The following LILRB4 variants were observed in gnomAD, a reference collection of about 807,000 sequenced individuals.
LILRB4 encodes leukocyte immunoglobulin like receptor B4, also known as leukocyte immunoglobulin-like receptor subfamily B member 4.
LILRB4 carries 49 observed loss-of-function variants against 55.2 expected under a neutral mutation model. That is an observed-to-expected ratio of 0.89 (90% CI 0.71 to 1.13). The LOEUF is 1.13. Among genes scored for constraint, LILRB4 ranks in the 50% most tolerant of loss-of-function variants. The probability of loss-of-function intolerance (pLI) is 0.00; values close to 1 mark genes in which losing one functional copy is unlikely to be tolerated. For synonymous variants in LILRB4, 229 were observed against 213.8 expected, an observed-to-expected ratio of 1.07 and a Z score of -0.62; for missense variants, 590 against 555.2, an observed-to-expected ratio of 1.06 and a Z score of -0.63.
At chr19:54,663,088 G>C (rs762780028) in intron 1 of LILRB4, 21 bp downstream of exon 1, 11 of 1,603,412 alleles carry the variant, frequency 6.9e-6, no homozygotes, top group Non-Finnish European at 9.4e-6. Flanking sequence ...AAGAGGGGGA[G>C]GGGAGACCCG....
intron 4 of LILRB4, 29 bp from the exon 5 acceptor site, chr19:54,664,768 ACT>A (rs768669319): frequency 7.9e-6 from 12 of 1,515,200 alleles, no homozygotes; most frequent in African/African-American, 1.4e-5. Flanking sequence ...GCAACCCCAG[ACT>A]CTCACCCTCC....
At position 54,663,806 on chromosome 19, in the gene LILRB4, G is replaced by A. The variant is rs1385975293; in HGVS notation, c.123G>A (p.Trp41Ter). The A allele has an allele frequency of 6.8e-6, 11 of 1,614,050 alleles. No individual in the cohort carries two copies. The highest frequency in any genetic ancestry group is 2.2e-5 in the East Asian group (1 of 44,894). ...CTGAGCCAGGCTCTGTGATCAGCTG[G>A]GGGAACTCTGTGACCATCTGGTGTC... is the stretch of plus-strand genomic sequence containing the variant. Residue 41 changes from tryptophan (W) to a stop codon, truncating the protein, a stop_gained, in exon 3 of 12, where the codon TGG becomes TGA. Transcript: ENST00000430952. LOFTEE classifies it high-confidence loss of function.
Position 54,666,745 on chromosome 19 carries a change from C to T in LILRB4, c.1037C>T (p.Thr346Ile). Residue 346 changes from threonine (T) to isoleucine (I), a missense_variant, in exon 10 of 12, where the codon ACT becomes ATT. Transcript: ENST00000430952. This position sits in a 1 kb window ranked among gnomAD's most constrained non-coding sequence, Gnocchi z 4.8. The stretch of plus-strand genomic sequence containing the variant: ...CCTGAGGACGGGGTGGAAATGGACA[C>T]TCGGGTGAGAACCCGCCCCTGTCCC... 6.2e-7 allele frequency: 1 copy of T among 1,614,138 alleles called. No individual in the cohort carries two copies. The highest frequency in any genetic ancestry group is 1.1e-5 in the South Asian group (1 of 91,082).
rs1337386961 is a variant in LILRB4 at position 54,665,933 on chromosome 19, T to C, written c.874+2T>C. On this transcript the variant is annotated splice_donor_variant, in intron 7 of 11. Coordinates refer to ENST00000430952, the Ensembl canonical transcript of LILRB4. LOFTEE classifies it high-confidence loss of function. This position sits in a 1 kb window ranked among gnomAD's most constrained non-coding sequence, Gnocchi z 5.5. Reference sequence around the variant, plus strand: ...GTCAGGGAAAACACAGGACATTGGGTAAGTAGGAAATTGGGGGACCCGTGG... The same window carrying C: ...GTCAGGGAAAACACAGGACATTGGGCAAGTAGGAAATTGGGGGACCCGTGG... The C allele has an allele frequency of 1.2e-6, 2 of 1,613,264 alleles. No individual in the cohort carries two copies. Among genetic ancestry groups the C allele is most frequent in the Admixed American group, 1.7e-5 (1 of 59,962 alleles).
intron 3 of LILRB4, 60 bp downstream of exon 3, chr19:54,664,098 T>C: frequency 2.5e-6 from 4 of 1,601,136 alleles, no homozygotes; most frequent in Non-Finnish European, 3.4e-6. Flanking sequence ...GGGTCAGCTC[T>C]CAGGGGCATC....
At position 54,666,876 on chromosome 19, in the gene LILRB4, G is replaced by A. The variant is rs11574578; in HGVS notation, c.1041+127G>A. The A allele has an allele frequency of 0.099, 94,251 of 950,740 alleles. 5,309 individuals are homozygous for A. Among genetic ancestry groups the A allele is most frequent in the East Asian group, 0.17 (7,214 of 41,798 alleles). 58.9% of individuals were successfully genotyped at this position (950,740 alleles called of 1,614,324 possible). A position where few individuals can be genotyped will look rare whatever the true frequency, so the allele number is the denominator to read the frequency against. ...CGGTGGACCCCTCCTTGTCCAGCAC[G>A]CTGCCTCCTGCCTGCTGGGACCTCA... On this transcript the variant is annotated intron_variant, in intron 10 of 11. Coordinates refer to ENST00000430952, the Ensembl canonical transcript of LILRB4. The surrounding 1 kb of genome is among the most constrained non-coding windows in gnomAD (Gnocchi z 4.8).
chr19:54,667,853 C>A lies in LILRB4; in HGVS notation c.1198-20C>A. On this transcript the variant is annotated intron_variant, in intron 11 of 11. Coordinates refer to ENST00000430952, the Ensembl canonical transcript of LILRB4. Reference sequence around the variant, plus strand: ...CCCACCCCCACCACGTTCCTTCCCTCTCACTCTCCCCCGCTGCAGGCTGCT... The same window carrying A: ...CCCACCCCCACCACGTTCCTTCCCTATCACTCTCCCCCGCTGCAGGCTGCT... 1 of 1,610,502 alleles carries A rather than the reference C, an allele frequency of 6.2e-7. No homozygotes were observed. The highest frequency in any genetic ancestry group is 8.5e-7 in the Non-Finnish European group (1 of 1,179,104).
chr19:54,667,097 T>TG (rs1251864597), intron 10 of LILRB4: 1 of 610,060 alleles, frequency 1.6e-6, no homozygotes, highest in Non-Finnish European at 3.1e-6. Context: ...TCACTGTGGA[T>TG]GGGGCTCCCC....
chr19:54,666,275 G>T lies in LILRB4; in HGVS notation c.910G>T (p.Ala304Ser), dbSNP rs2065257178. 2 of 1,609,096 alleles carry T rather than the reference G, an allele frequency of 1.2e-6. No homozygotes were observed. The highest frequency in any genetic ancestry group is 1.3e-5 in the African/African-American group (1 of 74,914). Residue 304 changes from alanine to serine, a missense_variant, in exon 8 of 12, where the codon GCT (alanine) becomes TCT (serine). Ala to Ser is a moderately conservative substitution (Grantham distance 99, BLOSUM62 1). Coordinates refer to ENST00000430952, the Ensembl canonical transcript of LILRB4. The surrounding 1 kb of genome is among the most constrained non-coding windows in gnomAD (Gnocchi z 4.8). ...GGCTGATTTCCAACGTCCTCCAGGG[G>T]CTGCCGAGCCAGAGCCCAAGGACGG...
Position 54,665,099 on chromosome 19 carries a change from C to A in LILRB4, c.707-31C>A. ...CGAGCTGATGTGGGGAGCAGGGCAGCCCCAGCCCTCACATCCCTGTTCTAA... is the reference window on the plus strand; with the variant it reads ...CGAGCTGATGTGGGGAGCAGGGCAGACCCAGCCCTCACATCCCTGTTCTAA... On this transcript the variant is annotated intron_variant, in intron 5 of 11. Transcript: ENST00000430952. This position sits in a 1 kb window ranked among gnomAD's most constrained non-coding sequence, Gnocchi z 5.5. 5.0e-6 allele frequency: 8 copies of A among 1,607,878 alleles called. No homozygotes were observed. Among genetic ancestry groups the A allele is most frequent in the Non-Finnish European group, 6.8e-6 (8 of 1,176,174 alleles).
Position 54,665,140 on chromosome 19 carries a change from G to C in LILRB4, c.717G>C (p.Glu239Asp), listed in dbSNP as rs780161053. Residue 239 changes from glutamate (E) to aspartate (D), a missense_variant, in exon 6 of 12, where the codon GAG (glutamate) becomes GAC (aspartate). By Grantham distance (45) the Glu-to-Asp change is conservative. Transcript: ENST00000430952. The surrounding 1 kb of genome is among the most constrained non-coding windows in gnomAD (Gnocchi z 5.5). ...CCTGTTCTAACCCAGCAGGCCCTGAGGACCAGCCCCTCATGCCTACAGGGT... is the reference window on the plus strand; with the variant it reads ...CCTGTTCTAACCCAGCAGGCCCTGACGACCAGCCCCTCATGCCTACAGGGT... 27 of 1,608,060 alleles carry C rather than the reference G, an allele frequency of 1.7e-5. No individual in the cohort carries two copies. The African/African-American group carries it at 3.6e-4, about 21-fold the overall frequency.
intron 10 of LILRB4, chr19:54,667,282 A>AG (rs1568649331): frequency 3.5e-6 from 2 of 571,142 alleles, no homozygotes; most frequent in East Asian, 3.6e-5. Flanking sequence ...CTGAATGGAA[A>AG]GGGAGGGCTG....
chr19:54,664,361 G>C (rs776360512), exon 4 of LILRB4: 1 of 1,614,044 alleles, frequency 6.2e-7, no homozygotes, highest in Admixed American at 1.7e-5. Context: ...AGCAGCACCA[G>C]GCTGAATTCC....
In LILRB4 at chr19:54,664,496, T is replaced by C. The variant is rs1352825951; in HGVS notation, c.655+11T>C. The C allele has an allele frequency of 6.3e-7, 1 of 1,588,686 alleles. No individual in the cohort carries two copies. The highest frequency in any genetic ancestry group is 8.6e-7 in the Non-Finnish European group (1 of 1,166,990). ...AGCTCATAGTCTCAGGTGAGGCTCC[T>C]GACCCTGTCCTCTCTGAGCTCAGTG... On this transcript the variant is annotated intron_variant, in intron 4 of 11. Coordinates refer to ENST00000430952, the Ensembl canonical transcript of LILRB4.
exon 12 of LILRB4, chr19:54,668,038 C>T (rs573165845): frequency 3.1e-6 from 5 of 1,613,726 alleles, no homozygotes; most frequent in Non-Finnish European, 4.2e-6. Flanking sequence ...GGACCCAGAC[C>T]CCACAAGCCA....
rs187379276 is a variant in LILRB4, at chr19:54,666,599, G to C, written c.989-98G>C. On this transcript the variant is annotated intron_variant, in intron 9 of 11. Transcript: ENST00000430952. The surrounding 1 kb of genome is among the most constrained non-coding windows in gnomAD (Gnocchi z 4.8). ...CGGGGACATCACAGCCCCTCCCTGC[G>C]TTGCAGTGGCACTAATGGGAACAGG... The C allele has an allele frequency of 6.9e-7, 1 of 1,452,074 alleles. No homozygotes were observed. 89.9% of individuals were successfully genotyped at this position (1,452,074 alleles called of 1,614,324 possible).
Position 54,666,332 on chromosome 19 carries a change from A to T in LILRB4, c.950+17A>T. The stretch of plus-strand genomic sequence containing the variant: ...ACAGAGGAGGTAATTCTGCCCAAAG[A>T]CCTCAGACTCCCACCCATCCCAACA... On this transcript the variant is annotated intron_variant, in intron 8 of 11. Coordinates refer to ENST00000430952, the Ensembl canonical transcript of LILRB4. This position sits in a 1 kb window ranked among gnomAD's most constrained non-coding sequence, Gnocchi z 4.8. The T allele has an allele frequency of 6.2e-7, 1 of 1,608,642 alleles. No individual in the cohort carries two copies. The highest frequency in any genetic ancestry group is 8.5e-7 in the Non-Finnish European group (1 of 1,177,296).
At chr19:54,667,770 G>C in exon 11 of LILRB4, 1 of 1,610,592 alleles carries the variant, frequency 6.2e-7, no homozygotes, top group Non-Finnish European at 8.5e-7. Context: ...ACAGGCAGAA[G>C]AGGACAGACA....
chr19:54,663,554 C>G, exon 2 of LILRB4: 1 of 1,613,604 alleles, frequency 6.2e-7, no homozygotes, highest in Non-Finnish European at 8.5e-7. Context: ...GCCCCAGGAC[C>G]CACATGCAGG....
Sources: gnomAD v4.1 joint callset for allele counts on GRCh38, gnomAD v4.1.1 for gene constraint, Gnocchi (gnomAD v3.1) non-coding constraint, MANE v1.5 for transcripts, NCBI Gene and HGNC (gene_info 2026-07-23, HGNC 2026-07-21) for gene names.